ZNF516: variants seen among roughly 807,000 people sequenced by gnomAD.
ZNF516 encodes the protein zinc finger protein 516.
A neutral mutation model predicts 79.7 loss-of-function variants in ZNF516; 19 were observed. The observed-to-expected ratio is 0.24, with a 90% CI of 0.17 to 0.35. The LOEUF is 0.35. Ranked by LOEUF, ZNF516 falls within the 10% of genes least tolerant of loss-of-function variation. The probability of loss-of-function intolerance (pLI) is 1.00; values close to 1 mark genes in which losing one functional copy is unlikely to be tolerated. For synonymous variants in ZNF516, 877 were observed against 739.5 expected (o/e 1.19, Z -3.02); for missense variants, 1,678 against 1,679.5 (o/e 1.00, Z 0.02).
rs1337174261 is a variant in ZNF516 at position 76,451,380 on chromosome 18, G to A, written c.-157-8169C>T. On this transcript the variant is annotated intron_variant, in intron 2 of 6. Coordinates refer to ENST00000443185, the MANE Select transcript of ZNF516 (RefSeq NM_014643.4). This position sits in a 1 kb window ranked among gnomAD's most constrained non-coding sequence, Gnocchi z 6.0. Reference sequence around the variant, plus strand: ...CAGGGGGGTGACAGCCCGGTCCTGCGCACATCTCCGCTGACAGGGCATTCC... The same window carrying A: ...CAGGGGGGTGACAGCCCGGTCCTGCACACATCTCCGCTGACAGGGCATTCC... Among the ~76,000 whole-genome samples the A allele has an allele frequency of 6.6e-6, 1 of 152,172 alleles. No individual in the cohort carries two copies. Among genetic ancestry groups the A allele is most frequent in the Non-Finnish European group, 1.5e-5 (1 of 68,040 alleles).
At chr18:76,454,200 AT>A (rs1226232395) in intron 2 of ZNF516, among the ~76,000 whole-genome samples, 12 of 152,238 alleles carry the variant, frequency 7.9e-5, no homozygotes, top group African/African-American at 2.7e-4. Context: ...GCCCAAAAAA[AT>A]CCCTTCATTA....
At chr18:76,491,678 C>CT in intron 1 of ZNF516, 1 of 505,724 alleles carries the variant, frequency 2.0e-6, no homozygotes, top group Non-Finnish European at 2.5e-6. Context: ...GCCCCCACCC[C>CT]GGGGCGGGCA....
chr18:76,451,348 G>A lies in ZNF516; in HGVS notation c.-157-8137C>T, dbSNP rs575041114. 1.6e-4 allele frequency among the ~76,000 whole-genome samples: 25 copies of A among 152,160 alleles called. No homozygotes were observed. Among genetic ancestry groups the A allele is most frequent in the Non-Finnish European group, 3.5e-4 (24 of 68,012 alleles). On this transcript the variant is annotated intron_variant, in intron 2 of 6. Coordinates refer to ENST00000443185, the MANE Select transcript of ZNF516 (RefSeq NM_014643.4). This position sits in a 1 kb window ranked among gnomAD's most constrained non-coding sequence, Gnocchi z 6.0. ...CGATGTCAGCCCGGGATGGATGTCC[G>A]CGGGTGCAGGGGGGTGACAGCCCGG...
chr18:76,492,338 G>A (rs905836812), intron 1 of ZNF516: 14 of 985,336 alleles, frequency 1.4e-5, no homozygotes, highest in Non-Finnish European at 1.7e-5. Flanking sequence ...GCCACAGTAA[G>A]TCAGCTGCAA....
In ZNF516 at chr18:76,379,735, C is replaced by A. The variant is rs773076166; in HGVS notation, c.2379G>T (p.Pro793=). ...HRVSCNSVAP[P]WIQPNGYKSI... is the part of the protein sequence containing the mutation. Reference sequence around the variant, plus strand: ...TTTTGTAACCATTGGGCTGAATCCACGGGGGAGCCACGGAGTTGCAGCTGA... The same window carrying A: ...TTTTGTAACCATTGGGCTGAATCCAAGGGGGAGCCACGGAGTTGCAGCTGA... Residue 793 remains proline (P), a synonymous_variant, in exon 4 of 7, where the codon CCG becomes CCT. Transcript: ENST00000443185. The A allele has an allele frequency of 6.2e-7, 1 of 1,613,824 alleles. No individual in the cohort carries two copies. The highest frequency in any genetic ancestry group is 8.5e-7 in the Non-Finnish European group (1 of 1,179,878).
intron 3 of ZNF516, among the ~76,000 whole-genome samples, chr18:76,424,103 G>A (rs924293650): frequency 1.0e-5 from 1 of 100,134 alleles, no homozygotes; most frequent in Non-Finnish European, 2.0e-5. Context: ...AGGTGAAAAG[G>A]CTCCCCCGAA....
intron 1 of ZNF516, among the ~76,000 whole-genome samples, chr18:76,483,848 G>A (rs1914673853): frequency 6.6e-6 from 1 of 152,208 alleles, no homozygotes; most frequent in African/African-American, 2.4e-5. Context: ...CCTGGTCTTT[G>A]GTGACCAGAT....
At chr18:76,476,523 C>A (rs1914182757) in intron 1 of ZNF516, among the ~76,000 whole-genome samples, 1 of 152,202 alleles carries the variant, frequency 6.6e-6, no homozygotes, top group South Asian at 2.1e-4. Flanking sequence ...TAGGATTGGT[C>A]TTAGCTACTG....
chr18:76,395,494 G>A (rs994105238), intron 3 of ZNF516, among the ~76,000 whole-genome samples: 2 of 152,180 alleles, frequency 1.3e-5, no homozygotes, highest in African/African-American at 4.8e-5. Context: ...AGATGAATTC[G>A]TTAATTCAGC....
At position 76,361,934 on chromosome 18, in the gene ZNF516, T is replaced by C. The variant is rs556330902; in HGVS notation, c.*564A>G. The C allele has an allele frequency of 6.6e-6, 1 of 152,436 alleles. No individual in the cohort carries two copies. The highest frequency in any genetic ancestry group is 2.4e-5 in the African/African-American group (1 of 41,546). 9.4% of individuals were successfully genotyped at this position (152,436 alleles called of 1,614,324 possible). On this transcript the variant is annotated 3_prime_UTR_variant, in exon 7 of 7. Coordinates refer to ENST00000443185, the MANE Select transcript of ZNF516 (RefSeq NM_014643.4). The stretch of plus-strand genomic sequence containing the variant: ...GCCTGCTTCCCACAGCACCTGAACG[T>C]CACCTCCTTCCTCTCTCTTATTTAC...
intron 1 of ZNF516, chr18:76,492,181 C>G (rs1915269218): frequency 3.0e-6 from 3 of 985,426 alleles, no homozygotes; most frequent in Non-Finnish European, 3.6e-6. Context: ...TACAGAAGCG[C>G]AGCAACCCCG....
At chr18:76,370,084 T>TA (rs2074677924) in intron 6 of ZNF516, among the ~76,000 whole-genome samples, 1 of 152,226 alleles carries the variant, frequency 6.6e-6, no homozygotes, top group African/African-American at 2.4e-5. Flanking sequence ...GTCGTGTTCG[T>TA]AATGCAGAGA....
chr18:76,430,642 C>G (rs576033548), intron 3 of ZNF516, among the ~76,000 whole-genome samples: 1 of 152,064 alleles, frequency 6.6e-6, no homozygotes, highest in Non-Finnish European at 1.5e-5. Context: ...CAAATGGCAC[C>G]GTGGAATTAT....
rs557841498 is a variant in ZNF516, at chr18:76,453,281, T to C, written c.-158+9747A>G. On this transcript the variant is annotated intron_variant, in intron 2 of 6. Coordinates refer to ENST00000443185, the MANE Select transcript of ZNF516 (RefSeq NM_014643.4). ...GCATTGCTAGTATAGTTAATGATCT[T>C]GTCAACATTTCCATTAAGAGCCCCA... Among the ~76,000 whole-genome samples the C allele has an allele frequency of 2.7e-4, 41 of 152,322 alleles. 1 individual carries two copies. In the South Asian group the frequency reaches 5.0e-3, roughly 18 times the overall value.
intron 2 of ZNF516, among the ~76,000 whole-genome samples, chr18:76,456,525 C>T (rs1251244070): frequency 2.0e-5 from 3 of 152,216 alleles, no homozygotes; most frequent in Non-Finnish European, 2.9e-5. Context: ...AGGAGTCCAC[C>T]CAAGTCCAGA....
At chr18:76,399,695 C>A (rs951732571) in intron 3 of ZNF516, among the ~76,000 whole-genome samples, 2 of 152,176 alleles carry the variant, frequency 1.3e-5, no homozygotes, top group African/African-American at 4.8e-5. Flanking sequence ...GACTCGAGGT[C>A]CACAGGTCTG....
chr18:76,390,284 G>C (rs1268738022), intron 3 of ZNF516, among the ~76,000 whole-genome samples: 1 of 152,190 alleles, frequency 6.6e-6, no homozygotes, highest in African/African-American at 2.4e-5. Context: ...ATATGAGAAT[G>C]AGCAAATCTA....
chr18:76,496,144 G>A (rs1451877875), upstream of ZNF516: 1 of 602,906 alleles, frequency 1.7e-6, no homozygotes, highest in Non-Finnish European at 2.5e-6. Context: ...CCGGGGTGGG[G>A]GAGGGGAGGG....
intron 3 of ZNF516, among the ~76,000 whole-genome samples, chr18:76,423,795 C>A (rs1167408036): frequency 2.7e-4 from 38 of 142,832 alleles, no homozygotes; most frequent in African/African-American, 9.4e-4. Flanking sequence ...AAAGGTTCCC[C>A]CATGAAACAC....
Sources: allele counts gnomAD v4.1 joint callset (sites outside exome capture counted in the v4.1 genomes callset), GRCh38; gene constraint gnomAD v4.1.1; non-coding constraint Gnocchi (gnomAD v3.1); transcripts MANE v1.5; gene names NCBI Gene and HGNC (gene_info 2026-07-23, HGNC 2026-07-21).